HSDL1: variants seen among roughly 807,000 people sequenced by gnomAD.
HSDL1 encodes the protein hydroxysteroid dehydrogenase like 1.
Under a neutral mutation model 31.5 loss-of-function variants are expected in HSDL1, and 29 were observed. That is an observed-to-expected ratio of 0.92 (90% confidence interval 0.69 to 1.26). The LOEUF is 1.26. HSDL1 is among the 50% of genes most tolerant of loss of function. The pLI is 0.00. For missense variants in HSDL1, 503 were observed against 416.6 expected, an observed-to-expected ratio of 1.21 and a Z score of -1.81; for synonymous variants, 222 against 155.2, an observed-to-expected ratio of 1.43 and a Z score of -3.20.
At chr16:84,126,209 T>C (rs1437772526) in intron 5 of HSDL1, among the ~76,000 whole-genome samples, 1 of 150,794 alleles carries the variant, frequency 6.6e-6, no homozygotes, top group African/African-American at 2.4e-5. Context: ...GCTTGAGGGG[T>C]AGTATGGAAC....
In HSDL1 at chr16:84,124,414, A is replaced by G. The variant is rs1024107783; in HGVS notation, c.*216T>C. ...AAGCACTGAAATGTAGATGTCGTCA[A>G]TCAGCCTCAGGCATTATTGATCCTG... On this transcript the variant is annotated 3_prime_UTR_variant, in exon 6 of 6. Coordinates refer to ENST00000219439, the MANE Select transcript of HSDL1 (RefSeq NM_031463.5). 3.0e-5 allele frequency: 13 copies of G among 428,298 alleles called. No individual in the cohort carries two copies. The highest frequency in any genetic ancestry group is 1.4e-4 in the African/African-American group (7 of 50,210). The allele number at this position is 428,298 out of a possible 1,614,324, so 26.5% of individuals were successfully genotyped here.
At chr16:84,137,015 A>G (rs1250826695) in intron 1 of HSDL1, among the ~76,000 whole-genome samples, 2 of 142,502 alleles carry the variant, frequency 1.4e-5, no homozygotes, top group African/African-American at 5.3e-5. Context: ...CTGGTCCTAC[A>G]GTCTCTCGAG....
intron 1 of HSDL1, among the ~76,000 whole-genome samples, chr16:84,136,407 CCT>C (rs1173557884): frequency 6.6e-6 from 1 of 152,272 alleles, no homozygotes; most frequent in Admixed American, 6.5e-5. Context: ...AGATTCTACT[CCT>C]CTCTGTTTCT....
chr16:84,129,426 G>T, intron 5 of HSDL1, 122 bp downstream of exon 5: 2 of 732,550 alleles, frequency 2.7e-6, no homozygotes, highest in Non-Finnish European at 2.3e-6. Flanking sequence ...AAATTATTAA[G>T]TGTCAGGCTT....
chr16:84,137,539 T>C (rs1005027096), intron 1 of HSDL1, among the ~76,000 whole-genome samples: 1 of 152,162 alleles, frequency 6.6e-6, no homozygotes, highest in Non-Finnish European at 1.5e-5. Flanking sequence ...GAGCCCTGGT[T>C]ACTCAGCTGG....
chr16:84,142,725 C>T (rs2086780311), intron 1 of HSDL1, among the ~76,000 whole-genome samples: 2 of 151,918 alleles, frequency 1.3e-5, no homozygotes, highest in South Asian at 4.2e-4. Context: ...ATGTGACCGG[C>T]CGGATCTCAC....
chr16:84,131,725 C>CTGGA (rs2086669810), intron 2 of HSDL1, among the ~76,000 whole-genome samples: 1 of 148,806 alleles, frequency 6.7e-6, no homozygotes, highest in Non-Finnish European at 1.5e-5. Flanking sequence ...GTCGCCCAGG[C>CTGGA]TGGAGTGCAG....
chr16:84,137,479 G>C (rs913161546), intron 1 of HSDL1, among the ~76,000 whole-genome samples: 3 of 152,204 alleles, frequency 2.0e-5, no homozygotes, highest in African/African-American at 4.8e-5. Flanking sequence ...GGAGGGAGCT[G>C]GTGGGGCTTG....
At chr16:84,136,576 T>C (rs1296881942) in intron 1 of HSDL1, among the ~76,000 whole-genome samples, 6 of 152,132 alleles carry the variant, frequency 3.9e-5, no homozygotes, top group Admixed American at 6.5e-5. Context: ...AAAGCTTGTG[T>C]GCTAAACCCA....
intron 5 of HSDL1, among the ~76,000 whole-genome samples, 168 bp downstream of exon 5, chr16:84,129,379 CA>C (rs370820621): frequency 1.8e-4 from 25 of 141,140 alleles, no homozygotes; most frequent in Admixed American, 2.1e-4. Context: ...GACTCCATCT[CA>C]AAAAAAAAAA....
rs542895124 is a variant in HSDL1, at chr16:84,125,419, CCAAT to C, written c.895-695_895-692del. Among the ~76,000 whole-genome samples, 246 of 148,696 alleles carry C rather than the reference CCAAT, an allele frequency of 1.7e-3. 1 individual carries two copies. The highest frequency in any genetic ancestry group is 5.7e-3 in the African/African-American group (233 of 41,060). On this transcript the variant is annotated intron_variant, in intron 5 of 5. Transcript: ENST00000219439. The stretch of plus-strand genomic sequence containing the variant: ...AAATACCCACCAATCACATTACCCA[CCAAT>C]CAATCACAATAAATACCCACCAATC...
Position 84,123,396 on chromosome 16 carries a change from G to T in HSDL1, c.*1234C>A, listed in dbSNP as rs3199061. On this transcript the variant is annotated 3_prime_UTR_variant, in exon 6 of 6. Transcript: ENST00000219439. ...ATTGTCATATTCATATAGTGACTTA[G>T]AGTTTTCAAAGCACTAGGTACATGG... 6.6e-6 allele frequency: 1 copy of T among 152,030 alleles called. No individual in the cohort carries two copies. The allele number at this position is 152,030 out of a possible 1,614,324, so 9.4% of individuals were successfully genotyped here.
chr16:84,127,088 A>AT (rs543325424), intron 5 of HSDL1, among the ~76,000 whole-genome samples: 5 of 152,028 alleles, frequency 3.3e-5, no homozygotes, highest in Non-Finnish European at 7.4e-5. Flanking sequence ...CCTGATCCTC[A>AT]TATCTTTATT....
At chr16:84,142,871 G>C (rs990770506) in intron 1 of HSDL1, among the ~76,000 whole-genome samples, 1 of 152,170 alleles carries the variant, frequency 6.6e-6, no homozygotes, top group Non-Finnish European at 1.5e-5. Flanking sequence ...TTCATACTCT[G>C]CGTCAGCACT....
At chr16:84,142,362 GC>G (rs2086776426) in intron 1 of HSDL1, among the ~76,000 whole-genome samples, 1 of 150,334 alleles carries the variant, frequency 6.7e-6, no homozygotes, top group African/African-American at 2.5e-5. Context: ...TTACATTTTT[GC>G]TTTTTCAGTT....
chr16:84,139,784 T>C (rs1327071840), intron 1 of HSDL1, among the ~76,000 whole-genome samples: 1 of 152,220 alleles, frequency 6.6e-6, no homozygotes, highest in African/African-American at 2.4e-5. Flanking sequence ...CAGAGGTTCC[T>C]GCCATCTTTG....
intron 2 of HSDL1, among the ~76,000 whole-genome samples, 156 bp from the exon 3 acceptor site, chr16:84,131,483 G>GTCTGTCTGTCTGTCTATCTATCTATCTA (rs1232519658): frequency 6.2e-5 from 9 of 144,240 alleles, no homozygotes; most frequent in African/African-American, 2.1e-4. Context: ...CACAGTTTCA[G>GTCTGTCTGTCTGTCTATCTATCTATCTA]TCTATCTATC....
In HSDL1 at chr16:84,122,715, C is replaced by G. The variant is rs1185077733; in HGVS notation, c.*1915G>C. On this transcript the variant is annotated 3_prime_UTR_variant, in exon 6 of 6. Coordinates refer to ENST00000219439, the MANE Select transcript of HSDL1 (RefSeq NM_031463.5). ...GGTCCAATCAACTTTCAAATTAGCT[C>G]TGGGGAAAAAAATACATTTAATGAA... 6.6e-6 allele frequency: 1 copy of G among 152,076 alleles called. No individual in the cohort carries two copies. The highest frequency in any genetic ancestry group is 1.9e-4 in the East Asian group (1 of 5,194). The allele number at this position is 152,076 out of a possible 1,614,324, so 9.4% of individuals were successfully genotyped here.
chr16:84,126,738 A>C (rs919479211), intron 5 of HSDL1, among the ~76,000 whole-genome samples: 1 of 151,476 alleles, frequency 6.6e-6, no homozygotes, highest in African/African-American at 2.4e-5. Flanking sequence ...ACCCACACCC[A>C]CACACACACA....
Sources: allele counts gnomAD v4.1 joint callset (sites outside exome capture counted in the v4.1 genomes callset), GRCh38; gene constraint gnomAD v4.1.1; transcripts MANE v1.5; gene names NCBI Gene and HGNC (gene_info 2026-07-23, HGNC 2026-07-21).